VPS54: variants seen among roughly 807,000 people sequenced by gnomAD.
VPS54 encodes the protein VPS54 subunit of GARP complex.
In VPS54, 45 loss-of-function variants were observed where a neutral mutation model predicts 121.5. The ratio of observed to expected loss-of-function variants is 0.37; its 90% CI spans 0.29 to 0.47. The LOEUF is 0.47. VPS54 is among the 20% of genes least tolerant of loss of function. The pLI, the probability that VPS54 is intolerant of heterozygous loss-of-function variation, is 0.99. For missense variants in VPS54, 1,090 were observed against 1,131.4 expected (o/e 0.96, Z 0.52); for synonymous variants, 371 against 385.8 (o/e 0.96, Z 0.45).
chr2:63,915,151 C>CAA (rs5831674), intron 16 of VPS54, among the ~76,000 whole-genome samples: 247 of 23,794 alleles, frequency 0.01, 26 homozygotes, highest in African/African-American at 0.025. Flanking sequence ...AGCTCCGTCT[C>CAA]AAAAAAAAAA....
In VPS54 at chr2:63,893,485, T is replaced by G. The variant is rs1199331928; in HGVS notation, c.2879A>C (p.Lys960Thr). The G allele has an allele frequency of 6.2e-7, 1 of 1,613,976 alleles. No individual in the cohort carries two copies. Among genetic ancestry groups the G allele is most frequent in the Non-Finnish European group, 8.5e-7 (1 of 1,179,996 alleles). ...AFYTGNLQALKGLKDLDLNMA... is the reference protein window; with the variant it reads ...AFYTGNLQALTGLKDLDLNMA... ...ATTTAGGTCCAAATCTTTAAGGCCT[T>G]TTAAGGCTTGAAGATTTCCAGTGTA... The change falls in exon 23 of 23, where the codon AAA becomes ACA. Residue 960 changes from lysine to threonine, a missense_variant. Transcript: ENST00000272322.
At chr2:63,970,300 T>C (rs1028160907) in intron 4 of VPS54, among the ~76,000 whole-genome samples, 2 of 135,214 alleles carry the variant, frequency 1.5e-5, no homozygotes, top group East Asian at 4.0e-4. Flanking sequence ...TATAGATATA[T>C]ATAGATATAG....
chr2:63,976,199 A>G (rs989388641), intron 3 of VPS54, among the ~76,000 whole-genome samples: 6 of 152,016 alleles, frequency 3.9e-5, no homozygotes, highest in African/African-American at 1.4e-4. Flanking sequence ...AAAATTAGCC[A>G]GGCGTGGTGT....
intron 7 of VPS54, among the ~76,000 whole-genome samples, chr2:63,960,282 A>C (rs956852990): frequency 6.6e-6 from 1 of 152,198 alleles, no homozygotes; most frequent in African/African-American, 2.4e-5. Context: ...TAAATGAAGA[A>C]TATTTTATAC....
intron 7 of VPS54, among the ~76,000 whole-genome samples, chr2:63,956,256 A>G (rs561367887): frequency 2.6e-5 from 4 of 152,324 alleles, no homozygotes; most frequent in East Asian, 1.9e-4. Flanking sequence ...AGGTCAAATA[A>G]CATGTTAAAT....
At chr2:64,014,679 T>G in intron 1 of VPS54, among the ~76,000 whole-genome samples, 1 of 152,230 alleles carries the variant, frequency 6.6e-6, no homozygotes, top group South Asian at 2.1e-4. Context: ...ATTTGATTCT[T>G]CTGAAGCGAA....
At chr2:63,970,481 A>G (rs1450565415) in intron 4 of VPS54, among the ~76,000 whole-genome samples, 2 of 151,892 alleles carry the variant, frequency 1.3e-5, no homozygotes, top group Non-Finnish European at 2.9e-5. Context: ...TTCTAGTGAC[A>G]TAATACTGGT....
In VPS54 at chr2:64,019,165, G is replaced by A. The variant is rs1361927416; in HGVS notation, c.-248C>T. 2 of 151,004 alleles carry A rather than the reference G, an allele frequency of 1.3e-5. No individual in the cohort carries two copies. Among genetic ancestry groups the A allele is most frequent in the African/African-American group, 4.8e-5 (2 of 41,330 alleles). 9.4% of individuals were successfully genotyped at this position (151,004 alleles called of 1,614,324 possible). On this transcript the variant is annotated 5_prime_UTR_variant, in exon 1 of 23. Transcript: ENST00000272322. ...CACTCAGGGGTGAGAGGTGGCAGCG[G>A]CGGCTCCCTCACGTCTCTCCCGGGT...
At chr2:64,012,157 T>C (rs1443711738) in intron 1 of VPS54, among the ~76,000 whole-genome samples, 4 of 152,134 alleles carry the variant, frequency 2.6e-5, no homozygotes, top group Non-Finnish European at 4.4e-5. Context: ...TTACTTAGCC[T>C]ACATCCCCAT....
intron 15 of VPS54, among the ~76,000 whole-genome samples, chr2:63,917,678 T>C (rs376037421): frequency 6.6e-6 from 1 of 152,030 alleles, no homozygotes; most frequent in East Asian, 1.9e-4. Context: ...TATATTGCAA[T>C]CACAATTTAC....
At chr2:64,018,627 T>C (rs1482844791) in intron 1 of VPS54, among the ~76,000 whole-genome samples, 1 of 149,708 alleles carries the variant, frequency 6.7e-6, no homozygotes, top group Non-Finnish European at 1.5e-5. Context: ...AAGGGGGTGA[T>C]GGAAGTTCCA....
At chr2:63,908,178 A>G (rs1398944716) in intron 20 of VPS54, among the ~76,000 whole-genome samples, 1 of 152,222 alleles carries the variant, frequency 6.6e-6, no homozygotes, top group African/African-American at 2.4e-5. Context: ...ATGTCTATCA[A>G]TTGGTGAATG....
intron 12 of VPS54, among the ~76,000 whole-genome samples, chr2:63,922,176 T>C (rs1673676983): frequency 6.6e-6 from 1 of 152,206 alleles, no homozygotes. Flanking sequence ...AGACATAATG[T>C]GCTTTTTTTC....
intron 9 of VPS54, among the ~76,000 whole-genome samples, chr2:63,945,380 G>C (rs879684563): frequency 6.6e-6 from 1 of 152,186 alleles, no homozygotes. Flanking sequence ...CCACACGGTG[G>C]AGACTATTGG....
At chr2:63,904,758 T>C (rs1672836820) in intron 20 of VPS54, among the ~76,000 whole-genome samples, 1 of 152,204 alleles carries the variant, frequency 6.6e-6, no homozygotes, top group Non-Finnish European at 1.5e-5. Flanking sequence ...ATTGTTTTCA[T>C]GTGCATGTGG....
chr2:63,903,146 C>G (rs567137213), intron 20 of VPS54, among the ~76,000 whole-genome samples: 6 of 152,064 alleles, frequency 3.9e-5, no homozygotes, highest in Admixed American at 1.3e-4. Flanking sequence ...CAAGCATGAT[C>G]AAAAACACAC....
At chr2:63,907,151 G>A in intron 20 of VPS54, among the ~76,000 whole-genome samples, 1 of 152,036 alleles carries the variant, frequency 6.6e-6, no homozygotes, top group Non-Finnish European at 1.5e-5. Context: ...ATGAATCATA[G>A]CCTTAAATAT....
chr2:63,985,917 T>A lies in VPS54; in HGVS notation c.-20-1898A>T, dbSNP rs1244444477. Among the ~76,000 whole-genome samples the A allele has an allele frequency of 3.3e-5, 5 of 152,212 alleles. No homozygotes were observed. In the East Asian group the frequency reaches 9.6e-4, roughly 29 times the overall value. On this transcript the variant is annotated intron_variant, in intron 1 of 22. Coordinates refer to ENST00000272322, the MANE Select transcript of VPS54 (RefSeq NM_016516.3). Reference sequence around the variant, plus strand: ...CATATTTAAGAGAGATAAACATGTATCTTTATCTAAAGGATAATACACATA... The same window carrying A: ...CATATTTAAGAGAGATAAACATGTAACTTTATCTAAAGGATAATACACATA...
intron 3 of VPS54, among the ~76,000 whole-genome samples, chr2:63,978,985 T>C (rs1676676704): frequency 1.3e-5 from 2 of 152,202 alleles, no homozygotes; most frequent in Admixed American, 6.5e-5. Flanking sequence ...TGTAAATTCA[T>C]CTAAGTTGTT....
Sources: gnomAD v4.1 joint callset for allele counts (sites outside exome capture counted in the v4.1 genomes callset) on GRCh38, gnomAD v4.1.1 for gene constraint, MANE v1.5 for transcripts, NCBI Gene and HGNC (gene_info 2026-07-23, HGNC 2026-07-21) for gene names.